The following TBCK variants were observed in gnomAD, a reference collection of about 807,000 sequenced individuals.
TBCK encodes the protein TBC domain-containing protein kinase-like protein.
TBCK carries 99 observed loss-of-function variants against 113.4 expected under a neutral mutation model. The ratio of observed to expected loss-of-function variants is 0.87; its 90% CI spans 0.74 to 1.03. The LOEUF (loss-of-function observed/expected upper bound fraction) is 1.03. Among genes scored for constraint, TBCK ranks in the 50% least tolerant of loss-of-function variants. The pLI, the probability that TBCK is intolerant of heterozygous loss-of-function variation, is 0.00. For synonymous variants in TBCK, 369 were observed against 370.8 expected, an observed-to-expected ratio of 1.00 and a Z score of 0.05; for missense variants, 1,045 against 1,061.3, an observed-to-expected ratio of 0.98 and a Z score of 0.21.
At chr4:106,149,716 C>T (rs1748260002) in intron 23 of TBCK, among the ~76,000 whole-genome samples, 1 of 152,044 alleles carries the variant, frequency 6.6e-6, no homozygotes, top group Non-Finnish European at 1.5e-5. Flanking sequence ...GCAAGAATTA[C>T]CAAAGTATGA....
chr4:106,197,187 A>C, intron 20 of TBCK, among the ~76,000 whole-genome samples: 1 of 152,022 alleles, frequency 6.6e-6, no homozygotes. Context: ...TGGTTGTCCT[A>C]AGCTGAATAT....
At chr4:106,105,323 G>A (rs775946708) in intron 24 of TBCK, among the ~76,000 whole-genome samples, 36 of 152,250 alleles carry the variant, frequency 2.4e-4, no homozygotes, top group Non-Finnish European at 4.0e-4. Flanking sequence ...TCTCTGGGGC[G>A]GAGCCCCCAG....
chr4:106,094,504 T>TAA (rs141712177), intron 25 of TBCK, among the ~76,000 whole-genome samples: 1 of 149,148 alleles, frequency 6.7e-6, no homozygotes, highest in African/African-American at 2.5e-5. Flanking sequence ...TTACTAAGAG[T>TAA]AAAAAAAAAA....
intron 20 of TBCK, among the ~76,000 whole-genome samples, chr4:106,200,817 T>C (rs1381762261): frequency 6.6e-6 from 1 of 151,994 alleles, no homozygotes; most frequent in Non-Finnish European, 1.5e-5. Flanking sequence ...GTTGAAAGAA[T>C]GAATGAAAAA....
intron 25 of TBCK, among the ~76,000 whole-genome samples, chr4:106,081,228 G>A (rs1329335775): frequency 7.2e-5 from 11 of 152,114 alleles, no homozygotes. Context: ...AGATACATGT[G>A]CATATATATT....
chr4:106,113,812 C>T (rs374581335), intron 24 of TBCK, among the ~76,000 whole-genome samples: 14 of 152,286 alleles, frequency 9.2e-5, no homozygotes, highest in African/African-American at 3.4e-4. Context: ...TTTCACTTTA[C>T]CTGCAACCCT....
intron 24 of TBCK, among the ~76,000 whole-genome samples, chr4:106,102,752 G>T (rs192531573): frequency 6.6e-6 from 1 of 152,206 alleles, no homozygotes; most frequent in East Asian, 1.9e-4. Context: ...ACATGATACA[G>T]GGACATTATA....
intron 1 of TBCK, among the ~76,000 whole-genome samples, chr4:106,314,974 T>C (rs1436196650): frequency 6.6e-6 from 1 of 152,144 alleles, no homozygotes; most frequent in African/African-American, 2.4e-5. Context: ...GAAAATAAAA[T>C]AACCAAATAA....
intron 24 of TBCK, among the ~76,000 whole-genome samples, chr4:106,109,805 A>C (rs1742611423): frequency 1.3e-5 from 2 of 152,362 alleles, no homozygotes; most frequent in African/African-American, 4.8e-5. Context: ...GCTTCTGCAC[A>C]GCAAAAGAAA....
At position 106,157,150 on chromosome 4, in the gene TBCK, C is replaced by T. The variant is rs181913652; in HGVS notation, c.2235+13945G>A. 5.1e-4 allele frequency among the ~76,000 whole-genome samples: 77 copies of T among 152,152 alleles called. 1 individual carries two copies. The highest frequency in any genetic ancestry group is 1.8e-3 in the African/African-American group (76 of 41,518). ...GTCTAGAAATGTCTGGGAGCTAGGT[C>T]CTGGAAAGGGGGATTCATGACTCTG... On this transcript the variant is annotated intron_variant, in intron 23 of 25. Coordinates refer to ENST00000394708, the MANE Select transcript of TBCK (RefSeq NM_001163435.3).
chr4:106,153,898 T>C (rs1748823037), intron 23 of TBCK, among the ~76,000 whole-genome samples: 1 of 152,086 alleles, frequency 6.6e-6, no homozygotes, highest in African/African-American at 2.4e-5. Flanking sequence ...TTGGTTTCCA[T>C]TGGCATGCAA....
intron 19 of TBCK, among the ~76,000 whole-genome samples, chr4:106,230,080 T>C (rs1560868019): frequency 6.6e-6 from 1 of 152,012 alleles, no homozygotes; most frequent in Admixed American, 6.6e-5. Context: ...GTGAGCAATT[T>C]TGATTGTGAA....
chr4:106,150,944 G>T (rs1217236702), intron 23 of TBCK, among the ~76,000 whole-genome samples: 1 of 152,002 alleles, frequency 6.6e-6, no homozygotes, highest in Non-Finnish European at 1.5e-5. Context: ...AGGGTCCAAT[G>T]ATAAGAACAG....
intron 23 of TBCK, among the ~76,000 whole-genome samples, chr4:106,146,479 T>G (rs1560717454): frequency 6.6e-6 from 1 of 152,080 alleles, no homozygotes; most frequent in African/African-American, 2.4e-5. Flanking sequence ...ACAAAAAAGG[T>G]AACTATTGGG....
chr4:106,152,593 C>T (rs1222058394), intron 23 of TBCK, among the ~76,000 whole-genome samples: 2 of 151,876 alleles, frequency 1.3e-5, no homozygotes, highest in Non-Finnish European at 2.9e-5. Flanking sequence ...GTAATACTGG[C>T]CTCATAGAAT....
chr4:106,314,871 C>T (rs374255672), intron 1 of TBCK, among the ~76,000 whole-genome samples: 12 of 151,844 alleles, frequency 7.9e-5, no homozygotes, highest in African/African-American at 2.7e-4. Context: ...GTGATCCACC[C>T]GCCTCGACCT....
Position 106,235,344 on chromosome 4 carries a change from T to G in TBCK, c.1374A>C (p.Gln458His), listed in dbSNP as rs529954017. 1 of 1,609,314 alleles carries G rather than the reference T, an allele frequency of 6.2e-7. No homozygotes were observed. Among genetic ancestry groups the G allele is most frequent in the East Asian group, 2.2e-5 (1 of 44,636 alleles). The change falls in exon 15 of 26, where the codon CAA becomes CAC. Residue 458 changes from glutamine to histidine, a missense_variant. By Grantham distance (24) the Gln-to-His change is conservative. Coordinates refer to ENST00000394708, the MANE Select transcript of TBCK (RefSeq NM_001163435.3). The part of the protein sequence containing the change: ...LLKAYPYKKN[Q>H]IWKEARVDIP... ...TGTCAACTCTTGCTTCTTTCCAGAT[T>G]TGGTTTTTTTTATATGGATAAGCCT...
intron 11 of TBCK, 78 bp downstream of exon 11, chr4:106,244,548 T>C: frequency 8.2e-7 from 1 of 1,219,182 alleles, no homozygotes; most frequent in Non-Finnish European, 1.1e-6. Flanking sequence ...AAACACCGAT[T>C]TTCTTTTTTA....
intron 23 of TBCK, among the ~76,000 whole-genome samples, chr4:106,129,821 A>G (rs938332530): frequency 2.0e-5 from 3 of 152,164 alleles, no homozygotes; most frequent in Non-Finnish European, 2.9e-5. Context: ...TTTCTGCCCT[A>G]TGTGGCAACC....
Sources: allele counts gnomAD v4.1 joint callset (sites outside exome capture counted in the v4.1 genomes callset), GRCh38; gene constraint gnomAD v4.1.1; transcripts MANE v1.5; gene names NCBI Gene and HGNC (gene_info 2026-07-23, HGNC 2026-07-21).